DGKB: variants seen among roughly 807,000 people sequenced by gnomAD.
DGKB encodes diacylglycerol kinase beta, also known as 90 kDa diacylglycerol kinase.
A neutral mutation model predicts 114.3 loss-of-function variants in DGKB; 67 were observed. That is an observed-to-expected ratio of 0.59 (90% confidence interval 0.48 to 0.72). The LOEUF is 0.72. Among genes scored for constraint, DGKB ranks in the 30% least tolerant of loss-of-function variants. The probability of loss-of-function intolerance (pLI) is 0.00; values close to 1 mark genes in which losing one functional copy is unlikely to be tolerated. For missense variants in DGKB, 907 were observed against 975.2 expected (o/e 0.93, Z 0.93); for synonymous variants, 398 against 323.1 (o/e 1.23, Z -2.49).
chr7:14,719,052 A>G (rs1828708294), intron 5 of DGKB, among the ~76,000 whole-genome samples: 1 of 152,190 alleles, frequency 6.6e-6, no homozygotes, highest in Non-Finnish European at 1.5e-5. Flanking sequence ...GATATTTAAA[A>G]TGGACTTTTT....
intron 25 of DGKB, among the ~76,000 whole-genome samples, chr7:14,161,242 G>A (rs1783834881): frequency 6.6e-6 from 1 of 152,192 alleles, no homozygotes; most frequent in African/African-American, 2.4e-5. Context: ...AACCATTGTG[G>A]AAGACAGTGT....
At position 14,750,793 on chromosome 7, in the gene DGKB, C is replaced by CTTTTT. The variant is rs1016534410; in HGVS notation, c.168+3130_168+3134dup. Among the ~76,000 whole-genome samples, 668 of 89,518 alleles carry CTTTTT rather than the reference C, an allele frequency of 7.5e-3. 40 individuals carry two copies. Among genetic ancestry groups the CTTTTT allele is most frequent in the East Asian group, 0.015 (40 of 2,710 alleles). 58.7% of individuals were successfully genotyped at this position (89,518 alleles called of 152,430 possible). A position where few individuals can be genotyped will look rare whatever the true frequency, so the allele number is the denominator to read the frequency against. On this transcript the variant is annotated intron_variant, in intron 4 of 25. Transcript: ENST00000402815. ...TCCCTTGAAAAAGCTATTTCTATTT[C>CTTTTT]TTTTTTTTTTTTTTTTTTTTTTTCT...
intron 1 of DGKB, among the ~76,000 whole-genome samples, chr7:14,897,235 A>G (rs1407122882): frequency 6.6e-6 from 1 of 151,948 alleles, no homozygotes; most frequent in Admixed American, 6.6e-5. Flanking sequence ...TAAATGAAAT[A>G]AATGTATAAA....
intron 21 of DGKB, among the ~76,000 whole-genome samples, chr7:14,402,575 T>C (rs1252718610): frequency 6.6e-6 from 1 of 151,910 alleles, no homozygotes; most frequent in African/African-American, 2.4e-5. Flanking sequence ...ATATGAAATT[T>C]ATGAGTATGA....
chr7:14,886,220 C>T (rs962128344), intron 1 of DGKB, among the ~76,000 whole-genome samples: 1 of 151,672 alleles, frequency 6.6e-6, no homozygotes, highest in South Asian at 2.1e-4. Context: ...TTTCAATTAG[C>T]CAATATGGAA....
chr7:14,175,287 C>T (rs1781563633), intron 25 of DGKB, among the ~76,000 whole-genome samples: 1 of 152,180 alleles, frequency 6.6e-6, no homozygotes, highest in South Asian at 2.1e-4. Context: ...TCACATATAA[C>T]ATAAGCATTC....
intron 2 of DGKB, among the ~76,000 whole-genome samples, chr7:14,781,550 C>T (rs981932119): frequency 1.3e-5 from 2 of 152,146 alleles, no homozygotes; most frequent in East Asian, 3.9e-4. Context: ...CTCTTAATCA[C>T]AATTTTTCCT....
chr7:14,733,804 GGGAAGGAGGGAAGGAA>G (rs1178826376), intron 5 of DGKB, among the ~76,000 whole-genome samples: 123 of 137,908 alleles, frequency 8.9e-4, no homozygotes, highest in Non-Finnish European at 1.3e-3. Context: ...GAGAGAGGGA[GGGAAGGAGGGAAGGAA>G]GGAAGGAGGG....
At chr7:14,966,087 G>C (rs1279216009) in intron 1 of DGKB, among the ~76,000 whole-genome samples, 1 of 151,668 alleles carries the variant, frequency 6.6e-6, no homozygotes, top group Non-Finnish European at 1.5e-5. Flanking sequence ...TCTGTTTAAT[G>C]GTTGAAATAA....
At chr7:14,628,006 T>C (rs1178563673) in intron 14 of DGKB, among the ~76,000 whole-genome samples, 1 of 151,906 alleles carries the variant, frequency 6.6e-6, no homozygotes, top group African/African-American at 2.4e-5. Flanking sequence ...AACATTCCTC[T>C]TTCTCCAATC....
chr7:14,630,452 T>G (rs927316192), intron 13 of DGKB, among the ~76,000 whole-genome samples, 184 bp from the exon 14 acceptor site: 1 of 152,070 alleles, frequency 6.6e-6, no homozygotes, highest in African/African-American at 2.4e-5. Context: ...GAATAAGAAA[T>G]TATCTAACAC....
chr7:14,899,589 T>A (rs1168072527), intron 1 of DGKB, among the ~76,000 whole-genome samples: 1 of 152,092 alleles, frequency 6.6e-6, no homozygotes, highest in Non-Finnish European at 1.5e-5. Flanking sequence ...TTCCAACTTT[T>A]CTCCTCTCAT....
intron 21 of DGKB, among the ~76,000 whole-genome samples, chr7:14,382,379 G>GTT (rs34862681): frequency 1.7e-4 from 25 of 147,276 alleles, no homozygotes; most frequent in African/African-American, 6.3e-4. Flanking sequence ...CAAATACATA[G>GTT]TTTTTTTTTT....
intron 21 of DGKB, among the ~76,000 whole-genome samples, chr7:14,407,200 G>A (rs1309080587): frequency 5.9e-5 from 9 of 152,090 alleles, no homozygotes; most frequent in African/African-American, 2.2e-4. Context: ...AACGGTTCCA[G>A]GAACTGCCAT....
At chr7:14,744,410 G>C (rs948675677) in intron 4 of DGKB, among the ~76,000 whole-genome samples, 6 of 152,108 alleles carry the variant, frequency 3.9e-5, no homozygotes, top group Non-Finnish European at 5.9e-5. Context: ...GGGAAAACTG[G>C]CCTCATACCT....
chr7:14,598,801 T>C (rs528162582), intron 17 of DGKB, among the ~76,000 whole-genome samples: 5 of 152,308 alleles, frequency 3.3e-5, no homozygotes, highest in South Asian at 2.1e-4. Context: ...CCATTCACTA[T>C]ACATTCTTGG....
At chr7:14,912,495 T>C (rs887388683) in intron 1 of DGKB, among the ~76,000 whole-genome samples, 2 of 152,108 alleles carry the variant, frequency 1.3e-5, no homozygotes, top group African/African-American at 4.8e-5. Flanking sequence ...ATAGGTAGAA[T>C]GCGCTGGAAC....
chr7:14,763,152 C>T (rs902259851), intron 2 of DGKB, among the ~76,000 whole-genome samples: 1 of 152,160 alleles, frequency 6.6e-6, no homozygotes, highest in Non-Finnish European at 1.5e-5. Flanking sequence ...TCTTCTTTTG[C>T]TGATGATTTT....
intron 23 of DGKB, among the ~76,000 whole-genome samples, chr7:14,336,526 A>G (rs1365336382): frequency 6.6e-6 from 1 of 152,122 alleles, no homozygotes; most frequent in Non-Finnish European, 1.5e-5. Flanking sequence ...ATGTATTACT[A>G]AGTCACAAGG....
Sources: gnomAD v4.1 joint callset for allele counts (sites outside exome capture counted in the v4.1 genomes callset) on GRCh38, gnomAD v4.1.1 for gene constraint, MANE v1.5 for transcripts, NCBI Gene and HGNC (gene_info 2026-07-23, HGNC 2026-07-21) for gene names.